The following DMAP1 variants were observed in gnomAD, a reference collection of about 807,000 sequenced individuals.
The protein encoded by DMAP1 is DNA methyltransferase 1-associated protein 1.
In DMAP1, 26 loss-of-function variants were observed where a neutral mutation model predicts 52.7. That is an observed-to-expected ratio of 0.49 (90% CI 0.36 to 0.68). DMAP1 has a LOEUF of 0.68. DMAP1 is among the 30% of genes least tolerant of loss of function. The pLI is 0.00. For synonymous variants in DMAP1, 231 were observed against 246.0 expected, an observed-to-expected ratio of 0.94 and a Z score of 0.57; for missense variants, 439 against 625.2, an observed-to-expected ratio of 0.70 and a Z score of 3.18.
chr1:44,218,909 TC>T lies in DMAP1; in HGVS notation c.721-141del. 2 of 1,383,700 alleles carry T rather than the reference TC, an allele frequency of 1.4e-6. No individual in the cohort carries two copies. Among genetic ancestry groups the T allele is most frequent in the South Asian group, 1.4e-5 (1 of 72,220 alleles). The allele number at this position is 1,383,700 out of a possible 1,614,324, so 85.7% of individuals were successfully genotyped here. A position where few individuals can be genotyped will look rare whatever the true frequency, so the allele number is the denominator to read the frequency against. On this transcript the variant is annotated intron_variant, in intron 5 of 9. Transcript: ENST00000372289. The surrounding 1 kb of genome is among the most constrained non-coding windows in gnomAD (Gnocchi z 5.6). ...GCCCATTCCTACTTCTCATGGGCCA[TC>T]CCCCCTGCTTTTCATAGCCCTTCAC...
In DMAP1 at chr1:44,219,099, AGGCCC is replaced by A. The variant is rs1162144937; in HGVS notation, c.767_771del (p.Ala256GlufsTer43). ...CTGCTACAGGAGCTGCGCAAGATTG[AGGCCC>A]GGAAGAAGGAGCGGGAGAAACGCAG... On this transcript the variant is annotated frameshift_variant, in exon 6 of 10. Coordinates refer to ENST00000372289, the MANE Select transcript of DMAP1 (RefSeq NM_019100.5). LOFTEE classifies it high-confidence loss of function. The A allele has an allele frequency of 1.2e-6, 2 of 1,614,052 alleles. No individual in the cohort carries two copies. Among genetic ancestry groups the A allele is most frequent in the Non-Finnish European group, 1.7e-6 (2 of 1,180,040 alleles).
intron 3 of DMAP1, chr1:44,217,994 G>T (rs1431688409): frequency 8.8e-6 from 4 of 453,588 alleles, no homozygotes; most frequent in African/African-American, 2.0e-5. Flanking sequence ...CTCCAGAGTT[G>T]ACCTTTGGAC....
At position 44,218,866 on chromosome 1, in the gene DMAP1, C is replaced by A. The variant is rs1643848143; in HGVS notation, c.720+111C>A. ...CAGGTCCCCCTGCCTCCCACTGATA[C>A]CTTATTAACTGCCCCAAGCCCATTC... On this transcript the variant is annotated intron_variant, in intron 5 of 9. Transcript: ENST00000372289. The surrounding 1 kb of genome is among the most constrained non-coding windows in gnomAD (Gnocchi z 5.6). The A allele has an allele frequency of 2.7e-6, 4 of 1,465,060 alleles. No homozygotes were observed. The highest frequency in any genetic ancestry group is 3.7e-6 in the Non-Finnish European group (4 of 1,084,146). The allele number at this position is 1,465,060 out of a possible 1,614,324, so 90.8% of individuals were successfully genotyped here. A position where few individuals can be genotyped will look rare whatever the true frequency, so the allele number is the denominator to read the frequency against.
rs760508897 is a variant in DMAP1 at position 44,218,606 on chromosome 1, C to A, written c.571C>A (p.Leu191Met). 1.2e-6 allele frequency: 2 copies of A among 1,611,626 alleles called. No individual in the cohort carries two copies. Among genetic ancestry groups the A allele is most frequent in the East Asian group, 4.5e-5 (2 of 44,764 alleles). ...TCCTCAGAAGCGTTCTGTGGAAGAC[C>A]TGAAGGAGCGGTACTACCACATCTG... Reference protein sequence around the residue: ...QQFKKRSVEDLKERYYHICAK... With the variant: ...QQFKKRSVEDMKERYYHICAK... Residue 191 changes from leucine to methionine, a missense_variant, in exon 5 of 10, where the codon CTG (leucine) becomes ATG (methionine). Around this residue, in one of 3 missense-constraint regions of DMAP1, gnomAD observed 142 missense variants for 149.5 expected, o/e 0.95. Transcript: ENST00000372289. The surrounding 1 kb of genome is among the most constrained non-coding windows in gnomAD (Gnocchi z 5.6).
rs1292161466 is a variant in DMAP1 at position 44,213,864 on chromosome 1, A to C, written c.105+6A>C. On this transcript the variant is annotated splice_donor_region_variant and intron_variant, in intron 1 of 9. Coordinates refer to ENST00000372289, the MANE Select transcript of DMAP1 (RefSeq NM_019100.5). This position sits in a 1 kb window ranked among gnomAD's most constrained non-coding sequence, Gnocchi z 4.5. ...ACATTATCAACCCGGACAAGGTAGC[A>C]GGGGCACCTGAAAGCGTTGACTAGG... 1 of 1,575,458 alleles carries C rather than the reference A, an allele frequency of 6.3e-7. No homozygotes were observed.
At position 44,216,726 on chromosome 1, in the gene DMAP1, A is replaced by T. The variant is rs1421941605; in HGVS notation, c.394-1585A>T. 6 of 152,254 alleles carry T rather than the reference A, an allele frequency of 3.9e-5. No individual in the cohort carries two copies. The East Asian group carries it at 7.7e-4, about 20-fold the overall frequency. 9.4% of individuals were successfully genotyped at this position (152,254 alleles called of 1,614,324 possible). ...AGGCAAGAGCAGAGGTCAAGGGGGA[A>T]GTCTGCTATGTTCTAGAAACTGCTA... is the stretch of plus-strand genomic sequence containing the variant. On this transcript the variant is annotated intron_variant, in intron 3 of 9. Coordinates refer to ENST00000372289, the MANE Select transcript of DMAP1 (RefSeq NM_019100.5).
rs1434856829 is a variant in DMAP1, at chr1:44,220,191, C to T, written c.1226C>T (p.Thr409Ile). 1 of 1,603,660 alleles carries T rather than the reference C, an allele frequency of 6.2e-7. No homozygotes were observed. Among genetic ancestry groups the T allele is most frequent in the Non-Finnish European group, 8.5e-7 (1 of 1,172,160 alleles). Residue 409 changes from threonine (T) to isoleucine (I), a missense_variant, in exon 9 of 10, where the codon ACA (threonine) becomes ATA (isoleucine). Thr to Ile is a moderately conservative substitution (Grantham distance 89). Transcript: ENST00000372289. Reference sequence around the variant, plus strand: ...GCTGGTGTGCTAGGGGGCCCTGCCACACCAGCATCAGGCCCAGGCCCGGCC... The same window carrying T: ...GCTGGTGTGCTAGGGGGCCCTGCCATACCAGCATCAGGCCCAGGCCCGGCC... ...ARAGVLGGPA[T>I]PASGPGPASA...
rs1481047820 is a variant in DMAP1, at chr1:44,220,004, C to T, written c.1052-13C>T. On this transcript the variant is annotated splice_polypyrimidine_tract_variant and intron_variant, in intron 8 of 9. Transcript: ENST00000372289. ...CCTGGGCTCTGCCCGTGCTGCCTGC[C>T]GCCTGCCTGCAGAGCTGAGCCCGAC... The T allele has an allele frequency of 1.2e-5, 19 of 1,597,356 alleles. No individual in the cohort carries two copies. The highest frequency in any genetic ancestry group is 1.7e-4 in the Middle Eastern group (1 of 6,012).
In DMAP1 at chr1:44,220,299, C is replaced by T. The variant is rs778812636; in HGVS notation, c.1334C>T (p.Thr445Met). ...TIIDVVGAPL[T>M]PNSRKRRESA... ...ATTGATGTGGTGGGCGCACCCCTCA[C>T]GCCCAATTCGGTAAGAGTCTGGACA... The change falls in exon 9 of 10, where the codon ACG becomes ATG. Residue 445 changes from threonine to methionine, a missense_variant. Thr to Met is a moderately conservative substitution (Grantham distance 81, BLOSUM62 -1). Transcript: ENST00000372289. 7 of 1,544,276 alleles carry T rather than the reference C, an allele frequency of 4.5e-6. No homozygotes were observed. The highest frequency in any genetic ancestry group is 2.3e-5 in the East Asian group (1 of 44,020).
intron 2 of DMAP1, 101 bp from the exon 3 acceptor site, chr1:44,214,602 C>G (rs1249069435): frequency 1.9e-6 from 3 of 1,613,164 alleles, no homozygotes; most frequent in Non-Finnish European, 2.5e-6. Context: ...CAGGACATGA[C>G]TTTCTTGCTA....
rs754364740 is a variant in DMAP1, at chr1:44,214,695, C to T, written c.198-8C>T. The stretch of plus-strand genomic sequence containing the variant: ...CTAACCTCGCATCTCCCTAAACCTC[C>T]CTGCCAGGGATGCACCCCCACTGCT... On this transcript the variant is annotated splice_polypyrimidine_tract_variant and splice_region_variant and intron_variant, in intron 2 of 9. Coordinates refer to ENST00000372289, the MANE Select transcript of DMAP1 (RefSeq NM_019100.5). 6.2e-7 allele frequency: 1 copy of T among 1,610,978 alleles called. No homozygotes were observed. The highest frequency in any genetic ancestry group is 2.2e-5 in the East Asian group (1 of 44,780).
Position 44,213,645 on chromosome 1 carries a change from C to A in DMAP1, c.-109C>A. 1 of 979,250 alleles carries A rather than the reference C, an allele frequency of 1.0e-6. No homozygotes were observed. The highest frequency in any genetic ancestry group is 1.5e-6 in the Non-Finnish European group (1 of 649,824). The allele number at this position is 979,250 out of a possible 1,614,324, so 60.7% of individuals were successfully genotyped here. A position where few individuals can be genotyped will look rare whatever the true frequency, so the allele number is the denominator to read the frequency against. On this transcript the variant is annotated 5_prime_UTR_variant, in exon 1 of 10. Transcript: ENST00000372289. The surrounding 1 kb of genome is among the most constrained non-coding windows in gnomAD (Gnocchi z 4.5). Reference sequence around the variant, plus strand: ...CCCTTCTCCTCTTGGCCCGCCCCTTCAACTCGCCTCCGCTTAGGTCTGGAT... The same window carrying A: ...CCCTTCTCCTCTTGGCCCGCCCCTTAAACTCGCCTCCGCTTAGGTCTGGAT...
At chr1:44,214,193 A>G (rs561594707) in intron 1 of DMAP1, among the ~76,000 whole-genome samples, 157 bp from the exon 2 acceptor site, 55 of 152,264 alleles carry the variant, frequency 3.6e-4, no homozygotes, top group African/African-American at 1.3e-3. Context: ...TGGGCGTAGG[A>G]TGGTGTTCCT....
At position 44,219,633 on chromosome 1, in the gene DMAP1, A is replaced by G. The variant is rs145250355; in HGVS notation, c.978+156A>G. The G allele has an allele frequency of 1.5e-3, 1,680 of 1,138,366 alleles. 32 individuals are homozygous for G. The East Asian group carries it at 0.035, about 23-fold the overall frequency. The allele number at this position is 1,138,366 out of a possible 1,614,324, so 70.5% of individuals were successfully genotyped here. On this transcript the variant is annotated intron_variant, in intron 7 of 9. Coordinates refer to ENST00000372289, the MANE Select transcript of DMAP1 (RefSeq NM_019100.5). ...GGATCTCAGTGATGTGGCCAGGCTA[A>G]GGTCATAGCAGCTTTCACTATATTC...
Position 44,218,988 on chromosome 1 carries a change from T to C in DMAP1, c.721-68T>C, listed in dbSNP as rs2154314371. On this transcript the variant is annotated intron_variant, in intron 5 of 9. Coordinates refer to ENST00000372289, the MANE Select transcript of DMAP1 (RefSeq NM_019100.5). The surrounding 1 kb of genome is among the most constrained non-coding windows in gnomAD (Gnocchi z 5.6). ...TTCCCTCACAGACAGCCCAGCACCC[T>C]GTCACCTCCGTGTCTACCCTCACTC... 2 of 1,579,108 alleles carry C rather than the reference T, an allele frequency of 1.3e-6. No homozygotes were observed. The highest frequency in any genetic ancestry group is 8.6e-7 in the Non-Finnish European group (1 of 1,158,494).
At chr1:44,219,942 G>C in intron 8 of DMAP1, 64 bp downstream of exon 8, 1 of 1,611,326 alleles carries the variant, frequency 6.2e-7, no homozygotes, top group Non-Finnish European at 8.5e-7. Context: ...AGGTTGGGCA[G>C]GGGGAGGGGA....
rs1467131938 is a variant in DMAP1 at position 44,219,790 on chromosome 1, C to T, written c.979-16C>T. ...TTGTGGCTGGGACAGGCTTAGCTTG[C>T]CAGCTTTCATTGCAGATGAAGCTGC... On this transcript the variant is annotated splice_polypyrimidine_tract_variant and intron_variant, in intron 7 of 9. Coordinates refer to ENST00000372289, the MANE Select transcript of DMAP1 (RefSeq NM_019100.5). 3 of 1,613,386 alleles carry T rather than the reference C, an allele frequency of 1.9e-6. No homozygotes were observed. Among genetic ancestry groups the T allele is most frequent in the African/African-American group, 1.3e-5 (1 of 74,942 alleles).
rs1643848778 is a variant in DMAP1, at chr1:44,218,903, G to A, written c.720+148G>A. 50 of 1,397,214 alleles carry A rather than the reference G, an allele frequency of 3.6e-5. No individual in the cohort carries two copies. Among genetic ancestry groups the A allele is most frequent in the Admixed American group, 1.1e-4 (5 of 43,988 alleles). The allele number at this position is 1,397,214 out of a possible 1,614,324, so 86.6% of individuals were successfully genotyped here. A position where few individuals can be genotyped will look rare whatever the true frequency, so the allele number is the denominator to read the frequency against. ...CCCCAAGCCCATTCCTACTTCTCAT[G>A]GGCCATCCCCCCTGCTTTTCATAGC... On this transcript the variant is annotated intron_variant, in intron 5 of 9. Coordinates refer to ENST00000372289, the MANE Select transcript of DMAP1 (RefSeq NM_019100.5). This position sits in a 1 kb window ranked among gnomAD's most constrained non-coding sequence, Gnocchi z 5.6.
chr1:44,216,041 C>T (rs971712239), intron 3 of DMAP1: 2 of 152,192 alleles, frequency 1.3e-5, no homozygotes, highest in African/African-American at 4.8e-5. Flanking sequence ...CCACACGGTA[C>T]CAAAATTGTT....
Sources: gnomAD v4.1 joint callset for allele counts (sites outside exome capture counted in the v4.1 genomes callset) on GRCh38, gnomAD v4.1.1 for gene constraint, gnomAD v4.1.1 regional missense constraint, Gnocchi (gnomAD v3.1) non-coding constraint, MANE v1.5 for transcripts, NCBI Gene and HGNC (gene_info 2026-07-23, HGNC 2026-07-21) for gene names.